The following ACYP2 variants were observed in gnomAD, a reference collection of about 807,000 sequenced individuals.
The protein encoded by ACYP2 is acylphosphatase-2.
ACYP2 carries 12 observed loss-of-function variants against 11.2 expected under a neutral mutation model. The ratio of observed to expected loss-of-function variants is 1.08; its 90% CI spans 0.69 to 1.74. ACYP2 has a LOEUF of 1.74. ACYP2 is among the 40% of genes most tolerant of loss of function. ACYP2 has a pLI of 0.00. For missense variants in ACYP2, 134 were observed against 101.9 expected (o/e 1.31, Z -1.35); for synonymous variants, 43 against 32.2 (o/e 1.33, Z -1.13).
intron 6 of ACYP2, among the ~76,000 whole-genome samples, chr2:54,298,894 G>A (rs1005366084): frequency 6.6e-6 from 1 of 152,150 alleles, no homozygotes; most frequent in African/African-American, 2.4e-5. Context: ...TGGACTTAAC[G>A]GTGCACACCA....
intron 6 of ACYP2, among the ~76,000 whole-genome samples, chr2:54,195,704 T>A (rs185754127): frequency 7.9e-5 from 12 of 151,010 alleles, no homozygotes; most frequent in Non-Finnish European, 1.3e-4. Context: ...TCTTAGGAGC[T>A]GTTATTCAGT....
intron 4 of ACYP2, among the ~76,000 whole-genome samples, chr2:54,131,452 C>G (rs1219662176): frequency 3.3e-5 from 5 of 152,200 alleles, no homozygotes; most frequent in African/African-American, 7.2e-5. Flanking sequence ...CTTTGGGCAG[C>G]TCCAGTATTT....
chr2:54,164,431 T>C (rs1682864963), intron 6 of ACYP2, among the ~76,000 whole-genome samples: 1 of 152,144 alleles, frequency 6.6e-6, no homozygotes, highest in South Asian at 2.1e-4. Flanking sequence ...GAGGAGTCAT[T>C]AATGGAATAT....
chr2:54,261,711 A>C (rs1239568834), intron 6 of ACYP2, among the ~76,000 whole-genome samples: 2 of 152,220 alleles, frequency 1.3e-5, no homozygotes, highest in Non-Finnish European at 2.9e-5. Context: ...TTTAACATAC[A>C]GAACTATTTT....
intron 2 of ACYP2, among the ~76,000 whole-genome samples, chr2:53,987,189 A>C (rs1311701708): frequency 2.0e-5 from 3 of 152,214 alleles, no homozygotes; most frequent in Non-Finnish European, 4.4e-5. Context: ...AGGGTACAGA[A>C]TGGAAGAGGA....
In ACYP2 at chr2:54,297,316, A is replaced by C. The variant is rs148300377; in HGVS notation, c.405-7372A>C. 2.2e-4 allele frequency among the ~76,000 whole-genome samples: 32 copies of C among 148,298 alleles called. 1 individual carries two copies. The East Asian group carries it at 6.2e-3, about 29-fold the overall frequency. On this transcript the variant is annotated intron_variant, in intron 6 of 6. Transcript: ENST00000607452. ...TAAGACCAGCCTGGGCAACATACTG[A>C]GACTCCATCTCCACACACAAAAAAA...
At chr2:54,063,642 C>T (rs926562583) in intron 4 of ACYP2, among the ~76,000 whole-genome samples, 8 of 152,214 alleles carry the variant, frequency 5.3e-5, no homozygotes, top group African/African-American at 1.9e-4. Context: ...GTTCTGGGAA[C>T]CAACTGTCCA....
chr2:54,293,580 G>A (rs567802269), intron 6 of ACYP2, among the ~76,000 whole-genome samples: 1 of 152,358 alleles, frequency 6.6e-6, no homozygotes, highest in African/African-American at 2.4e-5. Flanking sequence ...GGGTCACAGA[G>A]CTTGCTAAAC....
chr2:54,075,093 C>G (rs1261664075), intron 4 of ACYP2, among the ~76,000 whole-genome samples: 1 of 152,142 alleles, frequency 6.6e-6, no homozygotes, highest in Non-Finnish European at 1.5e-5. Flanking sequence ...GTTGATTCAC[C>G]TAAAAAGCAG....
At chr2:54,189,825 A>G (rs572659207) in intron 6 of ACYP2, among the ~76,000 whole-genome samples, 3 of 152,276 alleles carry the variant, frequency 2.0e-5, no homozygotes, top group South Asian at 4.2e-4. Context: ...ATCCCCACCA[A>G]CAGTGTACAA....
At chr2:54,265,267 A>C (rs1687964724) in intron 6 of ACYP2, among the ~76,000 whole-genome samples, 1 of 152,190 alleles carries the variant, frequency 6.6e-6, no homozygotes, top group Admixed American at 6.5e-5. Context: ...AGGAGGAGCA[A>C]GTCACATCTT....
intron 6 of ACYP2, among the ~76,000 whole-genome samples, chr2:54,240,556 C>T (rs1686687901): frequency 6.6e-6 from 1 of 152,200 alleles, no homozygotes. Context: ...ATTTCTCATT[C>T]TCCAACTTTT....
chr2:54,010,582 C>G (rs1296557644), intron 2 of ACYP2, among the ~76,000 whole-genome samples: 1 of 151,608 alleles, frequency 6.6e-6, no homozygotes, highest in Non-Finnish European at 1.5e-5. Flanking sequence ...AATATGTACA[C>G]CTACCATGTC....
rs748964526 is a variant in ACYP2 at position 54,126,386 on chromosome 2, GT to G, written c.278-9066del. On this transcript the variant is annotated intron_variant, in intron 4 of 6. Coordinates refer to ENST00000607452, the MANE Select transcript of ACYP2 (RefSeq NM_001320586.2). ...TGACATACCTTGATGGACAACCTAA[GT>G]CTTTTGATGAGATTGATCAAAAATT... Among the ~76,000 whole-genome samples the G allele has an allele frequency of 9.2e-5, 14 of 152,274 alleles. No homozygotes were observed. In the East Asian group the frequency reaches 2.5e-3, roughly 27 times the overall value.
intron 6 of ACYP2, among the ~76,000 whole-genome samples, chr2:54,295,191 G>A (rs1456667697): frequency 7.9e-5 from 12 of 152,034 alleles, no homozygotes; most frequent in South Asian, 2.1e-4. Flanking sequence ...ACTCACAAGC[G>A]CAAAAAAATG....
intron 6 of ACYP2, chr2:54,255,243 G>A (rs769993926): frequency 3.1e-6 from 5 of 1,614,228 alleles, no homozygotes; most frequent in Non-Finnish European, 4.2e-6. Context: ...TGTTTCTGAA[G>A]TAAGGGTTTC....
chr2:54,052,330 TAA>T (rs1380686148), intron 3 of ACYP2, among the ~76,000 whole-genome samples: 1 of 152,170 alleles, frequency 6.6e-6, no homozygotes, highest in Non-Finnish European at 1.5e-5. Flanking sequence ...TGTCTTTAGA[TAA>T]CCCTGTCCTG....
At chr2:54,088,352 C>T (rs755432709) in intron 4 of ACYP2, among the ~76,000 whole-genome samples, 28 of 152,158 alleles carry the variant, frequency 1.8e-4, no homozygotes, top group Non-Finnish European at 2.9e-4. Flanking sequence ...AGCTGGATTA[C>T]TGTGAAATGG....
chr2:54,234,418 A>C (rs843665), intron 6 of ACYP2, among the ~76,000 whole-genome samples: 39,508 of 152,114 alleles, frequency 0.26, 5,317 homozygotes, highest in South Asian at 0.43. Flanking sequence ...CATACTGGTA[A>C]AGCCATGATT....
Sources: allele counts gnomAD v4.1 joint callset (sites outside exome capture counted in the v4.1 genomes callset), GRCh38; gene constraint gnomAD v4.1.1; transcripts MANE v1.5; gene names NCBI Gene and HGNC (gene_info 2026-07-23, HGNC 2026-07-21).